Variants in PEBP4 observed in about 807,000 individuals in gnomAD.
PEBP4 encodes phosphatidylethanolamine-binding protein 4.
In PEBP4, 22 loss-of-function variants were observed where a neutral mutation model predicts 23.9. The ratio of observed to expected loss-of-function variants is 0.92; its 90% CI spans 0.66 to 1.31. The LOEUF is 1.31. Ranked by LOEUF, PEBP4 falls within the 40% of genes most tolerant of loss-of-function variation. The probability of loss-of-function intolerance (pLI) is 0.00; values close to 1 mark genes in which losing one functional copy is unlikely to be tolerated. For synonymous variants in PEBP4, 112 were observed against 99.3 expected, an observed-to-expected ratio of 1.13 and a Z score of -0.76; for missense variants, 324 against 281.7, an observed-to-expected ratio of 1.15 and a Z score of -1.07.
intron 4 of PEBP4, among the ~76,000 whole-genome samples, chr8:22,781,856 C>G (rs142068661): frequency 1.6e-3 from 240 of 152,320 alleles, no homozygotes; most frequent in African/African-American, 4.6e-3. Context: ...AGAGGGGGAG[C>G]CAACCAGGCA....
intron 3 of PEBP4, among the ~76,000 whole-genome samples, chr8:22,826,174 T>G (rs934714764): frequency 1.3e-5 from 2 of 152,206 alleles, no homozygotes; most frequent in Non-Finnish European, 1.5e-5. Flanking sequence ...TGAGTATATC[T>G]CAAGGTAAGT....
At position 22,729,413 on chromosome 8, in the gene PEBP4, G is replaced by A. The variant is rs116573453; in HGVS notation, c.358-2193C>T. 3.4e-3 allele frequency among the ~76,000 whole-genome samples: 519 copies of A among 152,318 alleles called. 3 individuals are homozygous for A. Among genetic ancestry groups the A allele is most frequent in the African/African-American group, 0.012 (494 of 41,568 alleles). On this transcript the variant is annotated intron_variant, in intron 4 of 6. Coordinates refer to ENST00000256404, the MANE Select transcript of PEBP4 (RefSeq NM_144962.3). ...GGCTGTTTCTTTTCAATTCCCCCCA[G>A]GCTTGGGTCCCACCCAGAGTGAGGC...
At chr8:22,793,831 G>T (rs1360178313) in intron 4 of PEBP4, among the ~76,000 whole-genome samples, 3 of 152,218 alleles carry the variant, frequency 2.0e-5, no homozygotes, top group Non-Finnish European at 4.4e-5. Context: ...TGTGCTGAAA[G>T]CTATATACAT....
chr8:22,840,207 C>T lies in PEBP4; in HGVS notation c.259-22472G>A, dbSNP rs549533300. On this transcript the variant is annotated intron_variant, in intron 3 of 6. Coordinates refer to ENST00000256404, the MANE Select transcript of PEBP4 (RefSeq NM_144962.3). ...CAGGTTTCGGATAGATTTTGCCTGTCTTCCTTACTTCATATTACCCTCTAA... is the reference window on the plus strand; with the variant it reads ...CAGGTTTCGGATAGATTTTGCCTGTTTTCCTTACTTCATATTACCCTCTAA... Among the ~76,000 whole-genome samples the T allele has an allele frequency of 1.6e-3, 249 of 152,204 alleles. 1 individual carries two copies. Among genetic ancestry groups the T allele is most frequent in the African/African-American group, 5.7e-3 (238 of 41,520 alleles).
chr8:22,845,320 G>T (rs1288165526), intron 3 of PEBP4, among the ~76,000 whole-genome samples: 7 of 150,290 alleles, frequency 4.7e-5, no homozygotes, highest in Non-Finnish European at 8.8e-5. Flanking sequence ...GATCACTTGA[G>T]CCCAGGAGTT....
intron 4 of PEBP4, among the ~76,000 whole-genome samples, chr8:22,743,178 G>C (rs887326910): frequency 6.6e-6 from 1 of 152,160 alleles, no homozygotes; most frequent in Admixed American, 6.5e-5. Context: ...CTCCCCTTGG[G>C]CTGCCCAGCT....
At chr8:22,771,794 C>T (rs950318714) in intron 4 of PEBP4, among the ~76,000 whole-genome samples, 4 of 152,200 alleles carry the variant, frequency 2.6e-5, no homozygotes, top group African/African-American at 4.8e-5. Flanking sequence ...TGGCAATGGC[C>T]TGGCCACCCA....
rs560524556 is a variant in PEBP4, at chr8:22,790,872, T to A, written c.357+26765A>T. ...TTATGCATCCAGGGTACTTTAAAGA[T>A]CAAACTGTTTATATTACCCTTAAAT... On this transcript the variant is annotated intron_variant, in intron 4 of 6. Coordinates refer to ENST00000256404, the MANE Select transcript of PEBP4 (RefSeq NM_144962.3). Among the ~76,000 whole-genome samples the A allele has an allele frequency of 1.8e-3, 267 of 152,298 alleles. 2 individuals carry two copies. The highest frequency in any genetic ancestry group is 6.1e-3 in the African/African-American group (252 of 41,554).
At chr8:22,728,831 C>G (rs1804677504) in intron 4 of PEBP4, among the ~76,000 whole-genome samples, 1 of 152,170 alleles carries the variant, frequency 6.6e-6, no homozygotes, top group African/African-American at 2.4e-5. Flanking sequence ...CTCCTGACCT[C>G]AGGTGATCCA....
intron 3 of PEBP4, chr8:22,877,941 C>G (rs993013840): frequency 6.6e-6 from 1 of 152,322 alleles, no homozygotes; most frequent in Admixed American, 6.5e-5. Context: ...TGCGCAGACA[C>G]ACACACACAC....
intron 1 of PEBP4, among the ~76,000 whole-genome samples, chr8:22,934,597 G>A (rs1809508559): frequency 6.6e-6 from 1 of 152,188 alleles, no homozygotes; most frequent in African/African-American, 2.4e-5. Flanking sequence ...AGCTGCTTGG[G>A]AGGCTGAGGT....
At chr8:22,841,731 G>C (rs1172244122) in intron 3 of PEBP4, among the ~76,000 whole-genome samples, 1 of 152,260 alleles carries the variant, frequency 6.6e-6, no homozygotes, top group African/African-American at 2.4e-5. Flanking sequence ...GTTCTGGGAG[G>C]ACAGCTTGGA....
At chr8:22,745,482 G>C (rs1805092679) in intron 4 of PEBP4, 1 of 152,200 alleles carries the variant, frequency 6.6e-6, no homozygotes, top group Non-Finnish European at 1.5e-5. Flanking sequence ...CAACTGAGAA[G>C]AGTTGATGAA....
intron 4 of PEBP4, among the ~76,000 whole-genome samples, chr8:22,777,684 G>A (rs1274326095): frequency 6.6e-6 from 1 of 152,158 alleles, no homozygotes; most frequent in African/African-American, 2.4e-5. Flanking sequence ...GGGGCACCGG[G>A]AAATGTTATG....
At position 22,846,265 on chromosome 8, in the gene PEBP4, C is replaced by T. The variant is rs149540176; in HGVS notation, c.259-28530G>A. On this transcript the variant is annotated intron_variant, in intron 3 of 6. Transcript: ENST00000256404. ...GGAGAAGCAACAGCCTGGGGAGTCC[C>T]GGGCCCCAGAGTTCTGGTCCTGCAC... is the stretch of plus-strand genomic sequence containing the variant. Among the ~76,000 whole-genome samples, 260 of 152,262 alleles carry T rather than the reference C, an allele frequency of 1.7e-3. 2 individuals are homozygous for T. Among genetic ancestry groups the T allele is most frequent in the Non-Finnish European group, 2.7e-3 (187 of 68,018 alleles).
At chr8:22,895,890 C>G (rs191431197) in intron 3 of PEBP4, 196 of 152,366 alleles carry the variant, frequency 1.3e-3, no homozygotes, top group African/African-American at 4.2e-3. Flanking sequence ...TGGCCACATC[C>G]TTGAACCCAG....
rs373866714 is a variant in PEBP4, at chr8:22,777,641, A to C, written c.357+39996T>G. On this transcript the variant is annotated intron_variant, in intron 4 of 6. Coordinates refer to ENST00000256404, the MANE Select transcript of PEBP4 (RefSeq NM_144962.3). The stretch of plus-strand genomic sequence containing the variant: ...TCTCTTCTCACTCGCCCTGCACGGC[A>C]CTCCTGTTGCCCCAGAGCCGGGGGT... Among the ~76,000 whole-genome samples, 30 of 152,152 alleles carry C rather than the reference A, an allele frequency of 2.0e-4. No homozygotes were observed. In the South Asian group the frequency reaches 6.2e-3, roughly 32 times the overall value.
Position 22,938,950 on chromosome 8 carries a change from CCTA to C in PEBP4, c.145-11233_145-11231del, listed in dbSNP as rs1809574906. On this transcript the variant is annotated intron_variant, in intron 1 of 1. Coordinates refer to the PEBP4 transcript ENST00000522278. ...AGGAACTATTCTGACCTTTGGTTGT[CCTA>C]CTTAGAGACAGAGAAAGAATTCCAA... Among the ~76,000 whole-genome samples, 7 of 152,300 alleles carry C rather than the reference CCTA, an allele frequency of 4.6e-5. No homozygotes were observed. In the South Asian group the frequency reaches 1.4e-3, roughly 32 times the overall value.
At chr8:22,878,544 A>C (rs1808177843) in intron 3 of PEBP4, among the ~76,000 whole-genome samples, 1 of 152,166 alleles carries the variant, frequency 6.6e-6, no homozygotes. Flanking sequence ...TATTGCTCAT[A>C]TCTAATCACA....
Sources: allele counts gnomAD v4.1 joint callset (sites outside exome capture counted in the v4.1 genomes callset), GRCh38; gene constraint gnomAD v4.1.1; transcripts MANE v1.5; gene names NCBI Gene and HGNC (gene_info 2026-07-23, HGNC 2026-07-21).